The following GRAMD2B variants were observed in gnomAD, a reference collection of about 807,000 sequenced individuals.
GRAMD2B encodes the protein GRAM domain containing 2B, also known as GRAM domain-containing protein 2B.
GRAMD2B carries 41 observed loss-of-function variants against 59.2 expected under a neutral mutation model. The ratio of observed to expected loss-of-function variants is 0.69; its 90% CI spans 0.54 to 0.90. The LOEUF (loss-of-function observed/expected upper bound fraction) is 0.90. GRAMD2B is among the 40% of genes least tolerant of loss of function. The probability of loss-of-function intolerance (pLI) is 0.00; values close to 1 mark genes in which losing one functional copy is unlikely to be tolerated. For synonymous variants in GRAMD2B, 161 were observed against 182.7 expected (o/e 0.88, Z 0.96); for missense variants, 424 against 500.5 (o/e 0.85, Z 1.46).
intron 1 of GRAMD2B, among the ~76,000 whole-genome samples, chr5:126,436,338 A>G (rs1762400262): frequency 6.6e-6 from 1 of 152,186 alleles, no homozygotes; most frequent in South Asian, 2.1e-4. Context: ...AGCATGTATT[A>G]GGCATGAACT....
rs151231141 is a variant in GRAMD2B at position 126,375,738 on chromosome 5, A to G, written c.125+4171A>G. 4.0e-3 allele frequency among the ~76,000 whole-genome samples: 609 copies of G among 152,344 alleles called. 6 individuals carry two copies. Among genetic ancestry groups the G allele is most frequent in the African/African-American group, 0.014 (577 of 41,578 alleles). ...ACTAGTATAATGTTGAGTAGATGCA[A>G]TAATTCTAGATATCCTTGTATTGTT... On this transcript the variant is annotated intron_variant, in intron 1 of 8. Coordinates refer to the GRAMD2B transcript ENST00000506445.
At position 126,465,067 on chromosome 5, in the gene GRAMD2B, G is replaced by T. The variant is rs115366067; in HGVS notation, c.84-359G>T. On this transcript the variant is annotated intron_variant, in intron 1 of 13. Coordinates refer to ENST00000285689, the MANE Select transcript of GRAMD2B (RefSeq NM_023927.4). The stretch of plus-strand genomic sequence containing the variant: ...GGCTCACACCTGCAGGAGGCCACAC[G>T]TGAGCGTGTGTACATGTGCGTGTGT... The T allele has an allele frequency of 1.1e-3, 1,178 of 1,048,574 alleles. 9 individuals carry two copies. The African/African-American group carries it at 0.017, about 16-fold the overall frequency. The allele number at this position is 1,048,574 out of a possible 1,614,324, so 65.0% of individuals were successfully genotyped here.
intron 1 of GRAMD2B, among the ~76,000 whole-genome samples, chr5:126,405,751 G>A (rs547779776): frequency 6.0e-5 from 9 of 150,340 alleles, no homozygotes; most frequent in African/African-American, 9.8e-5. Flanking sequence ...TTAAAACACC[G>A]TTTGCTTTTC....
chr5:126,374,509 G>A (rs1017657152), intron 1 of GRAMD2B, among the ~76,000 whole-genome samples: 1 of 152,102 alleles, frequency 6.6e-6, no homozygotes, highest in Non-Finnish European at 1.5e-5. Context: ...CATATGACTT[G>A]TCTGTTTACA....
intron 1 of GRAMD2B, among the ~76,000 whole-genome samples, chr5:126,406,118 A>G (rs891393049): frequency 2.6e-5 from 4 of 151,986 alleles, no homozygotes; most frequent in Admixed American, 2.6e-4. Flanking sequence ...TCGTGTCTAA[A>G]AGAAAAAAGA....
At chr5:126,468,699 G>A (rs1207532462) in intron 2 of GRAMD2B, among the ~76,000 whole-genome samples, 1 of 151,872 alleles carries the variant, frequency 6.6e-6, no homozygotes, top group East Asian at 1.9e-4. Flanking sequence ...TGTTGGCCAG[G>A]CCGGTCTCAA....
chr5:126,457,503 T>A (rs917649758), intron 1 of GRAMD2B, among the ~76,000 whole-genome samples: 5 of 151,774 alleles, frequency 3.3e-5, no homozygotes, highest in African/African-American at 9.7e-5. Flanking sequence ...TGGTGACACG[T>A]GCCTGTAATC....
intron 9 of GRAMD2B, 56 bp downstream of exon 9, chr5:126,483,630 C>A: frequency 1.2e-6 from 1 of 821,020 alleles, no homozygotes; most frequent in Non-Finnish European, 1.9e-6. Context: ...AACATCCTCA[C>A]CCCACCCCCT....
intron 1 of GRAMD2B, among the ~76,000 whole-genome samples, chr5:126,412,907 A>G (rs1406242949): frequency 1.3e-5 from 2 of 152,074 alleles, no homozygotes; most frequent in African/African-American, 4.8e-5. Context: ...AGGTGTTTAT[A>G]ATAGTCTCTG....
intron 1 of GRAMD2B, among the ~76,000 whole-genome samples, chr5:126,430,591 A>G (rs1432760898): frequency 6.6e-6 from 1 of 152,182 alleles, no homozygotes; most frequent in Non-Finnish European, 1.5e-5. Flanking sequence ...TTTTCTGGGT[A>G]TTTCGTAGAA....
chr5:126,467,274 TA>T (rs1768631668), intron 2 of GRAMD2B, among the ~76,000 whole-genome samples: 1 of 152,030 alleles, frequency 6.6e-6, no homozygotes, highest in Admixed American at 6.5e-5. Context: ...TGTCTCTATA[TA>T]AAAATTATTA....
intron 11 of GRAMD2B, among the ~76,000 whole-genome samples, chr5:126,485,984 A>G (rs2126949439): frequency 6.6e-6 from 1 of 152,280 alleles, no homozygotes; most frequent in South Asian, 2.1e-4. Flanking sequence ...GCAGAGGACT[A>G]AGTTCTGAGT....
At chr5:126,404,917 T>A (rs1207771191) in intron 1 of GRAMD2B, among the ~76,000 whole-genome samples, 2 of 151,930 alleles carry the variant, frequency 1.3e-5, no homozygotes, top group African/African-American at 2.4e-5. Flanking sequence ...CACATCCCAT[T>A]CTAAAGACTC....
At chr5:126,464,341 C>T (rs1351341627) in intron 1 of GRAMD2B, among the ~76,000 whole-genome samples, 1 of 152,214 alleles carries the variant, frequency 6.6e-6, no homozygotes, top group Non-Finnish European at 1.5e-5. Context: ...TCCTCACATC[C>T]TCAGAAGTAT....
chr5:126,393,620 A>G (rs904905648), intron 1 of GRAMD2B, among the ~76,000 whole-genome samples: 1 of 152,194 alleles, frequency 6.6e-6, no homozygotes, highest in Non-Finnish European at 1.5e-5. Flanking sequence ...TGAACCTCCA[A>G]ATAAGTCAAC....
chr5:126,380,991 G>T (rs942056795), intron 1 of GRAMD2B, among the ~76,000 whole-genome samples: 2 of 152,124 alleles, frequency 1.3e-5, no homozygotes, highest in African/African-American at 2.4e-5. Flanking sequence ...TTCTCAGGGG[G>T]AATGCTTTCA....
intron 1 of GRAMD2B, among the ~76,000 whole-genome samples, chr5:126,434,658 C>T (rs1361061234): frequency 6.6e-6 from 1 of 152,094 alleles, no homozygotes; most frequent in African/African-American, 2.4e-5. Flanking sequence ...GCTGGGACTA[C>T]AGGTGCCCGC....
intron 1 of GRAMD2B, among the ~76,000 whole-genome samples, chr5:126,391,316 T>G (rs1756728630): frequency 8.3e-5 from 1 of 12,018 alleles, no homozygotes; most frequent in African/African-American, 1.8e-4. Context: ...GGAGACTCCA[T>G]CTCAAAAAAA....
chr5:126,491,304 A>G (rs1368285610), intron 13 of GRAMD2B, among the ~76,000 whole-genome samples: 1 of 152,204 alleles, frequency 6.6e-6, no homozygotes, highest in East Asian at 1.9e-4. Context: ...AAAGCAAGAA[A>G]GTTGGGGAAG....
Sources: allele counts gnomAD v4.1 joint callset (sites outside exome capture counted in the v4.1 genomes callset), GRCh38; gene constraint gnomAD v4.1.1; transcripts MANE v1.5; gene names NCBI Gene and HGNC (gene_info 2026-07-23, HGNC 2026-07-21).